Variants in UNC13C observed in about 807,000 individuals in gnomAD.
UNC13C encodes protein unc-13 homolog C.
A neutral mutation model predicts 245.4 loss-of-function variants in UNC13C; 174 were observed. The observed-to-expected ratio is 0.71, with a 90% CI of 0.63 to 0.80. The LOEUF is 0.80. Among genes scored for constraint, UNC13C ranks in the 30% least tolerant of loss-of-function variants. The pLI, the probability that UNC13C is intolerant of heterozygous loss-of-function variation, is 0.00. For synonymous variants in UNC13C, 992 were observed against 895.1 expected (o/e 1.11, Z -1.93); for missense variants, 2,829 against 2,602.9 (o/e 1.09, Z -1.89).
At chr15:53,847,667 C>T in the UNC13C span, among the ~76,000 whole-genome samples, 2 of 152,018 alleles carry the variant, frequency 1.3e-5, no homozygotes, top group East Asian at 1.9e-4. Context: ...TGCCCAGCCT[C>T]ATTAGCTAAT....
intron 10 of UNC13C, among the ~76,000 whole-genome samples, chr15:54,290,519 T>G (rs1441541130): frequency 1.3e-5 from 2 of 152,118 alleles, no homozygotes; most frequent in East Asian, 3.8e-4. Context: ...GTCCTTCATC[T>G]ATTGGTATCC....
chr15:54,613,685 A>C (rs982616367), intron 30 of UNC13C, among the ~76,000 whole-genome samples: 3 of 151,992 alleles, frequency 2.0e-5, no homozygotes, highest in Non-Finnish European at 2.9e-5. Flanking sequence ...AAAAGCTAAA[A>C]ATCAAAATAG....
At position 54,015,248 on chromosome 15, in the gene UNC13C, G is replaced by C. The variant is rs1214822801; in HGVS notation, c.2345G>C (p.Arg782Pro). 4 of 1,613,368 alleles carry C rather than the reference G, an allele frequency of 2.5e-6. No individual in the cohort carries two copies. The highest frequency in any genetic ancestry group is 2.5e-6 in the Non-Finnish European group (3 of 1,179,716). The change falls in exon 2 of 33, where the codon CGA (arginine) becomes CCA (proline). Residue 782 changes from arginine (R) to proline (P), a missense_variant. Arg to Pro is a moderately radical substitution (Grantham distance 103, BLOSUM62 -2). Transcript: ENST00000260323. ...EDAPPKSWHS[R>P]LSIDLSDKTF... is the part of the protein sequence containing the mutation. ...GCCCCACCCAAATCATGGCATAGTCGATTAAGCATTGACCTTTCTGATAAG... is the reference window on the plus strand; with the variant it reads ...GCCCCACCCAAATCATGGCATAGTCCATTAAGCATTGACCTTTCTGATAAG...
At chr15:54,569,093 G>T (rs891540493) in intron 30 of UNC13C, among the ~76,000 whole-genome samples, 1 of 151,970 alleles carries the variant, frequency 6.6e-6, no homozygotes, top group Non-Finnish European at 1.5e-5. Context: ...TTATAAATAC[G>T]AATACAATTC....
At position 54,013,282 on chromosome 15, in the gene UNC13C, T is replaced by C; in HGVS notation, c.379T>C (p.Tyr127His). Residue 127 changes from tyrosine (Y) to histidine (H), a missense_variant, in exon 2 of 33, where the codon TAC becomes CAC. Physicochemically the swap from Tyr to His is moderately conservative, Grantham distance 83. Coordinates refer to ENST00000260323, the MANE Select transcript of UNC13C (RefSeq NM_001080534.3). ...AGAGCTCTCTTCAATCGAGAGTTCC[T>C]ACTCAGAATCATTAAATGAACTAAG... ...LQELSSIESS[Y>H]SESLNELRSS... The C allele has an allele frequency of 2.5e-6, 4 of 1,613,802 alleles. No homozygotes were observed. Among genetic ancestry groups the C allele is most frequent in the Non-Finnish European group, 3.4e-6 (4 of 1,179,844 alleles).
intron 17 of UNC13C, among the ~76,000 whole-genome samples, chr15:54,389,188 A>C (rs930584714): frequency 1.3e-5 from 2 of 152,222 alleles, no homozygotes; most frequent in African/African-American, 4.8e-5. Flanking sequence ...AAAGTCTGGC[A>C]CGATGAGATG....
At chr15:54,182,445 G>A (rs145911433) in intron 4 of UNC13C, among the ~76,000 whole-genome samples, 6 of 151,868 alleles carry the variant, frequency 4.0e-5, no homozygotes, top group Middle Eastern at 3.4e-3. Context: ...TTAGTATTTT[G>A]TTGAGGGATA....
chr15:54,461,937 G>T (rs1308562670), intron 19 of UNC13C, among the ~76,000 whole-genome samples: 1 of 152,176 alleles, frequency 6.6e-6, no homozygotes, highest in African/African-American at 2.4e-5. Context: ...ATAGTGAAAT[G>T]CAGAGATCAC....
At chr15:54,480,533 T>C (rs1176512563) in intron 19 of UNC13C, among the ~76,000 whole-genome samples, 1 of 147,402 alleles carries the variant, frequency 6.8e-6, no homozygotes, top group Non-Finnish European at 1.5e-5. Context: ...TTATGTTTTT[T>C]CATTCATTAA....
At chr15:54,339,391 A>G (rs147311707) in intron 17 of UNC13C, among the ~76,000 whole-genome samples, 13 of 152,050 alleles carry the variant, frequency 8.5e-5, no homozygotes, top group African/African-American at 2.9e-4. Flanking sequence ...ACTGAACCCA[A>G]TTTGTAGTCT....
chr15:54,043,128 T>C (rs72739074), intron 2 of UNC13C, among the ~76,000 whole-genome samples: 7,197 of 152,260 alleles, frequency 0.047, 237 homozygotes, highest in Non-Finnish European at 0.07. Context: ...GGATGGGTTT[T>C]GAAATCATAC....
chr15:54,361,429 G>A (rs1336291760), intron 17 of UNC13C, among the ~76,000 whole-genome samples: 1 of 151,830 alleles, frequency 6.6e-6, no homozygotes, highest in Non-Finnish European at 1.5e-5. Flanking sequence ...ATATTTTCTT[G>A]TGATTCCCCT....
At chr15:54,574,230 A>G (rs558888669) in intron 30 of UNC13C, among the ~76,000 whole-genome samples, 4 of 152,274 alleles carry the variant, frequency 2.6e-5, no homozygotes, top group African/African-American at 7.2e-5. Flanking sequence ...AAATTTTAAT[A>G]TATGTTGGAA....
At chr15:54,180,164 C>CTT (rs1352593356) in intron 4 of UNC13C, among the ~76,000 whole-genome samples, 1 of 151,948 alleles carries the variant, frequency 6.6e-6, no homozygotes, top group Admixed American at 6.6e-5. Context: ...CTTCTCTTCT[C>CTT]CGCTCTGATA....
intron 10 of UNC13C, among the ~76,000 whole-genome samples, chr15:54,278,590 C>T (rs148895823): frequency 5.9e-5 from 9 of 152,232 alleles, no homozygotes; most frequent in African/African-American, 1.2e-4. Context: ...TCCATCTCCC[C>T]GACACTGATC....
At chr15:54,132,093 G>T (rs1314799636) in intron 2 of UNC13C, among the ~76,000 whole-genome samples, 2 of 3,446 alleles carry the variant, frequency 5.8e-4, no homozygotes, top group African/African-American at 1.7e-3. Context: ...TTTTGACAGC[G>T]TCTTGCTCTG....
At chr15:54,289,303 A>G (rs1180307360) in intron 10 of UNC13C, among the ~76,000 whole-genome samples, 1 of 152,086 alleles carries the variant, frequency 6.6e-6, no homozygotes, top group African/African-American at 2.4e-5. Context: ...ATCACTTGCC[A>G]ACATTCTGAA....
At chr15:54,341,930 T>G (rs1427164587) in intron 17 of UNC13C, among the ~76,000 whole-genome samples, 1 of 150,810 alleles carries the variant, frequency 6.6e-6, no homozygotes, top group Non-Finnish European at 1.5e-5. Flanking sequence ...GAGCCGAGGT[T>G]GCACCACTGC....
At chr15:54,580,843 A>T (rs1365679555) in intron 30 of UNC13C, among the ~76,000 whole-genome samples, 2 of 152,150 alleles carry the variant, frequency 1.3e-5, no homozygotes, top group Non-Finnish European at 2.9e-5. Context: ...CCACATTCCT[A>T]AGAGGCTCTT....
Sources: allele counts gnomAD v4.1 joint callset (sites outside exome capture counted in the v4.1 genomes callset), GRCh38; gene constraint gnomAD v4.1.1; transcripts MANE v1.5; gene names NCBI Gene and HGNC (gene_info 2026-07-23, HGNC 2026-07-21).